The following HEATR4 variants were observed in gnomAD, a reference collection of about 807,000 sequenced individuals.
The protein encoded by HEATR4 is HEAT repeat-containing protein 4.
HEATR4 carries 95 observed loss-of-function variants against 108.8 expected under a neutral mutation model. That is an observed-to-expected ratio of 0.87 (90% confidence interval 0.74 to 1.04). The LOEUF is 1.04. HEATR4 is among the 50% of genes least tolerant of loss of function. The pLI is 0.00. For missense variants in HEATR4, 1,152 were observed against 1,253.8 expected (o/e 0.92, Z 1.23); for synonymous variants, 443 against 459.4 (o/e 0.96, Z 0.46).
At chr14:73,594,906 T>A in the HEATR4 span, 1 of 930,066 alleles carries the variant, frequency 1.1e-6, no homozygotes, top group Non-Finnish European at 1.6e-6. Context: ...GGTTCTGCCA[T>A]GTTGGCCAGG....
At chr14:73,481,582 T>C (rs1247091215) in intron 17 of HEATR4, among the ~76,000 whole-genome samples, 2 of 152,072 alleles carry the variant, frequency 1.3e-5, no homozygotes, top group Non-Finnish European at 2.9e-5. Context: ...GGCTCATGCC[T>C]GTAATCCCAA....
chr14:73,533,444 C>T lies in HEATR4; in HGVS notation c.-151-3200G>A, dbSNP rs796316647. ...CTGTAATCCCAGCACTTTGGGAGGCCGAGGAGGGTAGATCACCTGAGGTCA... is the reference window on the plus strand; with the variant it reads ...CTGTAATCCCAGCACTTTGGGAGGCTGAGGAGGGTAGATCACCTGAGGTCA... On this transcript the variant is annotated intron_variant, in intron 1 of 17. Coordinates refer to ENST00000553558, the MANE Select transcript of HEATR4 (RefSeq NM_001220484.1). Among the ~76,000 whole-genome samples, 6 of 112,980 alleles carry T rather than the reference C, an allele frequency of 5.3e-5. 1 individual carries two copies. The highest frequency in any genetic ancestry group is 1.4e-4 in the African/African-American group (5 of 34,788). 74.1% of individuals were successfully genotyped at this position (112,980 alleles called of 152,430 possible).
chr14:73,616,589 G>A, the HEATR4 span: 2 of 152,962 alleles, frequency 1.3e-5, no homozygotes, highest in Admixed American at 6.5e-5. Context: ...CAGATACTTG[G>A]GGGGCTGAGG....
At chr14:73,605,179 T>C in the HEATR4 span, among the ~76,000 whole-genome samples, 1 of 152,078 alleles carries the variant, frequency 6.6e-6, no homozygotes, top group Non-Finnish European at 1.5e-5. Flanking sequence ...ATATCTATAG[T>C]TTGGATATCC....
At chr14:73,595,477 G>A in the HEATR4 span, 6 of 1,614,118 alleles carry the variant, frequency 3.7e-6, no homozygotes, top group African/African-American at 5.3e-5. Flanking sequence ...ATTACATCGA[G>A]CCTCCTTACT....
In HEATR4 at chr14:73,522,482, C is replaced by G. The variant is rs528517201; in HGVS notation, c.671G>C (p.Arg224Pro). The change falls in exon 3 of 18, where the codon CGA becomes CCA. Residue 224 changes from arginine (R) to proline (P), a missense_variant. Physicochemically the swap from Arg to Pro is moderately radical, Grantham distance 103. Coordinates refer to ENST00000553558, the MANE Select transcript of HEATR4 (RefSeq NM_001220484.1). Reference protein sequence around the residue: ...TARWIQSKRPRRPGASPNKWQ... With the variant: ...TARWIQSKRPPRPGASPNKWQ... ...CTTGTTGGGGGATGCCCCAGGCCTT[C>G]GAGGACGCTTGCTCTGGATCCATCG... 1.2e-6 allele frequency: 2 copies of G among 1,614,080 alleles called. No homozygotes were observed. The highest frequency in any genetic ancestry group is 3.3e-5 in the Admixed American group (2 of 60,004).
At chr14:73,562,545 T>C (rs1412498980), upstream of HEATR4, among the ~76,000 whole-genome samples, 3 of 151,994 alleles carry the variant, frequency 2.0e-5, no homozygotes, top group African/African-American at 7.2e-5. Context: ...AAGAGCCATA[T>C]TTTTCTTCTT....
intron 17 of HEATR4, chr14:73,491,233 C>T (rs774687917): frequency 1.3e-6 from 2 of 1,589,936 alleles, no homozygotes; most frequent in African/African-American, 1.4e-5. Flanking sequence ...AGTCGACGGC[C>T]GACGACCTGG....
chr14:73,490,407 C>T (rs974094142), intron 17 of HEATR4, among the ~76,000 whole-genome samples: 5 of 152,228 alleles, frequency 3.3e-5, no homozygotes, highest in Non-Finnish European at 5.9e-5. Context: ...CTCTGCCTCC[C>T]GGGTTCACGC....
the HEATR4 span, among the ~76,000 whole-genome samples, chr14:73,630,015 C>T: frequency 6.7e-6 from 1 of 148,660 alleles, no homozygotes; most frequent in Non-Finnish European, 1.5e-5. Context: ...CAGAGCAAGA[C>T]ACCATCTCAA....
chr14:73,482,563 AG>A (rs1595074050), intron 17 of HEATR4, among the ~76,000 whole-genome samples: 2 of 152,208 alleles, frequency 1.3e-5, no homozygotes, highest in South Asian at 2.1e-4. Context: ...AGACTTTTTA[AG>A]GTGGTGAAAC....
chr14:73,487,899 T>A (rs921551019), intron 17 of HEATR4, among the ~76,000 whole-genome samples: 5 of 151,948 alleles, frequency 3.3e-5, no homozygotes, highest in African/African-American at 1.2e-4. Context: ...ATATAAAGGA[T>A]GATATAGGTA....
chr14:73,600,625 A>T, the HEATR4 span, among the ~76,000 whole-genome samples: 6,611 of 151,650 alleles, frequency 0.044, 178 homozygotes, highest in Middle Eastern at 0.075. Flanking sequence ...CTAATTTGTT[A>T]TGTTTAGTAG....
At chr14:73,501,385 A>G (rs1886449864) in intron 11 of HEATR4, among the ~76,000 whole-genome samples, 1 of 151,780 alleles carries the variant, frequency 6.6e-6, no homozygotes, top group Non-Finnish European at 1.5e-5. Context: ...TCGGCCTCCC[A>G]AAGTGCTGGG....
chr14:73,622,653 T>C, the HEATR4 span, among the ~76,000 whole-genome samples: 1 of 151,538 alleles, frequency 6.6e-6, no homozygotes, highest in Non-Finnish European at 1.5e-5. Flanking sequence ...CCTGCCTTGG[T>C]CTCCCAAAGT....
chr14:73,619,591 G>T, the HEATR4 span: 1 of 1,614,208 alleles, frequency 6.2e-7, no homozygotes, highest in South Asian at 1.1e-5. Flanking sequence ...GATAGCCTCT[G>T]AAAGGCTACA....
Position 73,536,516 on chromosome 14 carries a change from TA to T in HEATR4, c.-151-6273del, listed in dbSNP as rs543491523. 8.0e-3 allele frequency among the ~76,000 whole-genome samples: 477 copies of T among 59,326 alleles called. 33 individuals are homozygous for T. Among genetic ancestry groups the T allele is most frequent in the African/African-American group, 0.024 (385 of 16,258 alleles). 38.9% of individuals were successfully genotyped at this position (59,326 alleles called of 152,430 possible). A position where few individuals can be genotyped will look rare whatever the true frequency, so the allele number is the denominator to read the frequency against. On this transcript the variant is annotated intron_variant, in intron 1 of 17. Coordinates refer to ENST00000553558, the MANE Select transcript of HEATR4 (RefSeq NM_001220484.1). The stretch of plus-strand genomic sequence containing the variant: ...GCAACGTAGTGAGACCCTGTCTCTT[TA>T]AAAAAAAAAAAAAAAAAAAAAAAAG...
the HEATR4 span, among the ~76,000 whole-genome samples, chr14:73,584,936 C>T: frequency 4.0e-4 from 61 of 151,926 alleles, no homozygotes; most frequent in Middle Eastern, 3.4e-3. Flanking sequence ...TTCCTGATCC[C>T]GTAACACCTT....
In HEATR4 at chr14:73,478,737, G is replaced by C. The variant is rs780220370; in HGVS notation, c.2950C>G (p.Pro984Ala). 31 of 1,613,880 alleles carry C rather than the reference G, an allele frequency of 1.9e-5. No homozygotes were observed. The highest frequency in any genetic ancestry group is 2.5e-5 in the Non-Finnish European group (29 of 1,179,996). The change falls in exon 18 of 18, where the codon CCC becomes GCC. Residue 984 changes from proline (P) to alanine (A), a missense_variant. Pro to Ala is a conservative substitution (Grantham distance 27). Transcript: ENST00000553558. ...SSLVKDLRTS[P>A]EKRIAVGPFR... ...GGTCCCACAGCAATCCTTTTCTCGG[G>C]GGAGGTGCGTAGATCTTTGACAAGT...
Sources: allele counts gnomAD v4.1 joint callset (sites outside exome capture counted in the v4.1 genomes callset), GRCh38; gene constraint gnomAD v4.1.1; transcripts MANE v1.5; gene names NCBI Gene and HGNC (gene_info 2026-07-23, HGNC 2026-07-21).